Variants in CAST observed in about 807,000 individuals in gnomAD.
CAST encodes the protein MIR583 host.
CAST carries 76 observed loss-of-function variants against 119.6 expected under a neutral mutation model. The ratio of observed to expected loss-of-function variants is 0.64; its 90% CI spans 0.53 to 0.77. The LOEUF is 0.77. Among genes scored for constraint, CAST ranks in the 30% least tolerant of loss-of-function variants. The pLI is 0.00. For missense variants in CAST, 953 were observed against 946.5 expected, an observed-to-expected ratio of 1.01 and a Z score of -0.09; for synonymous variants, 319 against 331.6, an observed-to-expected ratio of 0.96 and a Z score of 0.41.
At chr5:96,483,846 A>T in the CAST span, among the ~76,000 whole-genome samples, 2 of 152,186 alleles carry the variant, frequency 1.3e-5, no homozygotes, top group African/African-American at 4.8e-5. Context: ...GAGAAGTTAA[A>T]TGATTTTCCA....
At chr5:96,492,153 T>C in the CAST span, among the ~76,000 whole-genome samples, 1 of 152,254 alleles carries the variant, frequency 6.6e-6, no homozygotes, top group Non-Finnish European at 1.5e-5. Context: ...CATGCTTAAA[T>C]AAAATAATTC....
the CAST span, among the ~76,000 whole-genome samples, chr5:96,117,666 A>C: frequency 6.6e-6 from 1 of 152,212 alleles, no homozygotes. Context: ...GAATGACTGT[A>C]GTGCCCATTT....
the CAST span, among the ~76,000 whole-genome samples, chr5:96,510,927 T>C: frequency 6.6e-6 from 1 of 152,220 alleles, no homozygotes; most frequent in African/African-American, 2.4e-5. Context: ...AATTTATGTG[T>C]ATCTTTGAAA....
At chr5:96,662,357 C>G (rs1748647482), upstream of CAST, 1 of 1,334,698 alleles carries the variant, frequency 7.5e-7, no homozygotes, top group Non-Finnish European at 9.6e-7. Context: ...GGCAGGACTC[C>G]CCGCCAGGCC....
intron 1 of CAST, among the ~76,000 whole-genome samples, chr5:96,585,260 G>A (rs748965576): frequency 6.6e-6 from 1 of 151,750 alleles, no homozygotes; most frequent in Non-Finnish European, 1.5e-5. Context: ...CACTCACAAC[G>A]CTCCAGACTA....
At chr5:96,694,225 C>A (rs1408320783) in intron 2 of CAST, among the ~76,000 whole-genome samples, 1 of 152,164 alleles carries the variant, frequency 6.6e-6, no homozygotes, top group Non-Finnish European at 1.5e-5. Context: ...AGACATAGAA[C>A]ACTTTAATGT....
the CAST span, chr5:95,961,533 G>C: frequency 1.3e-5 from 19 of 1,509,434 alleles, no homozygotes; most frequent in African/African-American, 2.3e-4. Context: ...TGAGGGGTGC[G>C]CTCTGCCTCT....
chr5:96,435,637 A>G, the CAST span, among the ~76,000 whole-genome samples: 2 of 152,206 alleles, frequency 1.3e-5, no homozygotes, highest in African/African-American at 4.8e-5. Flanking sequence ...GTTGGTTTTA[A>G]TAGCATTTGA....
intron 2 of CAST, among the ~76,000 whole-genome samples, chr5:96,684,041 A>ATGATACATTCTGAGTTGTATC (rs1751759777): frequency 2.0e-5 from 3 of 152,232 alleles, no homozygotes; most frequent in African/African-American, 7.2e-5. Flanking sequence ...GAAGCAGCAT[A>ATGATACATTCTGAGTTGTATC]TGATACATTC....
chr5:96,766,263 G>A (rs1581404549), intron 27 of CAST, 118 bp downstream of exon 27: 2 of 613,524 alleles, frequency 3.3e-6, no homozygotes, highest in African/African-American at 3.7e-5. Context: ...TACCATGACT[G>A]ACTGCTTCTA....
rs1157672046 is a variant in CAST at position 96,615,628 on chromosome 5, G to T, written c.61-59911G>T. Among the ~76,000 whole-genome samples, 6 of 152,144 alleles carry T rather than the reference G, an allele frequency of 3.9e-5. No homozygotes were observed. The East Asian group carries it at 1.2e-3, about 29-fold the overall frequency. On this transcript the variant is annotated intron_variant, in intron 1 of 11. Coordinates refer to the CAST transcript ENST00000505143. The stretch of plus-strand genomic sequence containing the variant: ...GAAGGAGGCCAGGGAGCCTAAGAGG[G>T]GTCAGGTGGAGGTGTATGGTAGTGA...
chr5:96,367,061 C>G, the CAST span, among the ~76,000 whole-genome samples: 1 of 152,220 alleles, frequency 6.6e-6, no homozygotes, highest in Non-Finnish European at 1.5e-5. Flanking sequence ...GGACCCTTAG[C>G]TGCAGGTCTG....
At chr5:96,394,090 GT>G in the CAST span, among the ~76,000 whole-genome samples, 1 of 152,374 alleles carries the variant, frequency 6.6e-6, no homozygotes, top group Non-Finnish European at 1.5e-5. Context: ...TCATGTGTAA[GT>G]TTCTTGAATA....
At chr5:96,385,659 A>G in the CAST span, among the ~76,000 whole-genome samples, 1 of 152,216 alleles carries the variant, frequency 6.6e-6, no homozygotes, top group Admixed American at 6.5e-5. Context: ...ATTTCAAATA[A>G]CAGAAAAGAA....
At chr5:96,233,100 C>G in the CAST span, among the ~76,000 whole-genome samples, 1 of 152,054 alleles carries the variant, frequency 6.6e-6, no homozygotes. Flanking sequence ...AGCACTTCAA[C>G]CAATCTGCAT....
the CAST span, among the ~76,000 whole-genome samples, chr5:96,346,363 TAGATATTC>T: frequency 6.6e-6 from 1 of 152,156 alleles, no homozygotes; most frequent in Admixed American, 6.6e-5. Flanking sequence ...GGCAGGTGGT[TAGATATTC>T]AGATTTTGAG....
At chr5:96,082,893 T>C in the CAST span, among the ~76,000 whole-genome samples, 1 of 152,236 alleles carries the variant, frequency 6.6e-6, no homozygotes, top group East Asian at 1.9e-4. Flanking sequence ...ACTATTAGCT[T>C]TCAGTTATCA....
At chr5:96,765,785 T>C (rs1443031906) in intron 26 of CAST, among the ~76,000 whole-genome samples, 1 of 150,302 alleles carries the variant, frequency 6.7e-6, no homozygotes. Flanking sequence ...TTTCTGAAGA[T>C]AATTATTTAA....
chr5:96,719,878 C>G (rs572738684), intron 3 of CAST, among the ~76,000 whole-genome samples: 1 of 152,216 alleles, frequency 6.6e-6, no homozygotes, highest in East Asian at 1.9e-4. Context: ...CCAGCCTGAG[C>G]GATCCCTCCT....
Sources: allele counts gnomAD v4.1 joint callset (sites outside exome capture counted in the v4.1 genomes callset), GRCh38; gene constraint gnomAD v4.1.1; transcripts MANE v1.5; gene names NCBI Gene and HGNC (gene_info 2026-07-23, HGNC 2026-07-21).